Variants in SUN5 observed in about 807,000 individuals in gnomAD.
The protein encoded by SUN5 is Sad1 and UNC84 domain containing 5.
Under a neutral mutation model 53.7 loss-of-function variants are expected in SUN5, and 44 were observed. That is an observed-to-expected ratio of 0.82 (90% CI 0.64 to 1.05). The LOEUF (loss-of-function observed/expected upper bound fraction) is 1.05. Among genes scored for constraint, SUN5 ranks in the 50% least tolerant of loss-of-function variants. SUN5 has a pLI of 0.00. For synonymous variants in SUN5, 166 were observed against 179.8 expected (o/e 0.92, Z 0.62); for missense variants, 433 against 483.8 (o/e 0.90, Z 0.98).
At chr20:32,997,155 G>A (rs1157991350) in intron 6 of SUN5, among the ~76,000 whole-genome samples, 1 of 151,890 alleles carries the variant, frequency 6.6e-6, no homozygotes, top group Non-Finnish European at 1.5e-5. Context: ...GAGGAAAAGA[G>A]GAGAGGGAGG....
intron 8 of SUN5, among the ~76,000 whole-genome samples, chr20:32,992,481 C>T (rs1038362278): frequency 4.6e-5 from 7 of 152,224 alleles, no homozygotes; most frequent in South Asian, 2.1e-4. Flanking sequence ...TTCTCTGTTC[C>T]CCAGTAGAAG....
At chr20:32,985,291 C>T (rs1158226347) in intron 11 of SUN5, 106 bp from the exon 12 acceptor site, 5 of 1,005,254 alleles carry the variant, frequency 5.0e-6, no homozygotes, top group East Asian at 2.4e-5. Context: ...TGGGAGCTCA[C>T]TACCTCTTTG....
At position 32,987,506 on chromosome 20, in the gene SUN5, T is replaced by C. The variant is rs535606221; in HGVS notation, c.729+154A>G. The stretch of plus-strand genomic sequence containing the variant: ...AGCCCCCTCCTTCTGCTCCCTGCCT[T>C]TGCCCCTGCATCTGTCTCCTGCTCC... On this transcript the variant is annotated intron_variant, in intron 10 of 12. Coordinates refer to ENST00000356173, the MANE Select transcript of SUN5 (RefSeq NM_080675.4). Among the ~76,000 whole-genome samples the C allele has an allele frequency of 4.1e-5, 6 of 146,196 alleles. No individual in the cohort carries two copies. In the East Asian group the frequency reaches 1.3e-3, roughly 31 times the overall value.
At chr20:32,997,816 T>A in intron 5 of SUN5, 129 bp from the exon 6 acceptor site, 2 of 857,694 alleles carry the variant, frequency 2.3e-6, no homozygotes, top group Non-Finnish European at 3.7e-6. Context: ...ACTGGGGGAA[T>A]TACTTAATGC....
rs1989522608 is a variant in SUN5, at chr20:32,985,827, A to G, written c.806T>C (p.Val269Ala). 1.2e-6 allele frequency: 2 copies of G among 1,613,796 alleles called. No homozygotes were observed. Among genetic ancestry groups the G allele is most frequent in the East Asian group, 2.2e-5 (1 of 44,890 alleles). Residue 269 changes from valine (V) to alanine (A), a missense_variant, in exon 11 of 13, where the codon GTT becomes GCT. Physicochemically the swap from Val to Ala is moderately conservative, Grantham distance 64. Transcript: ENST00000356173. ...GQVTIQLAQK[V>A]YLSNLTLQHI... ...CTGCAGCGTGAGGTTGGACAGGTAA[A>G]CCTTCTGAGCCAATTGGATGGTCAC... is the stretch of plus-strand genomic sequence containing the variant.
chr20:32,996,080 CT>C (rs1989838565), intron 7 of SUN5, among the ~76,000 whole-genome samples: 1 of 152,148 alleles, frequency 6.6e-6, no homozygotes, highest in Non-Finnish European at 1.5e-5. Context: ...TTTGCATCTT[CT>C]TTAGCACCCA....
chr20:33,003,491 G>A (rs1250894950), intron 1 of SUN5, among the ~76,000 whole-genome samples: 1 of 152,164 alleles, frequency 6.6e-6, no homozygotes, highest in African/African-American at 2.4e-5. Context: ...AATGATGACA[G>A]GAACCTGGGT....
At chr20:32,995,275 C>T (rs1285085598) in intron 8 of SUN5, among the ~76,000 whole-genome samples, 7 of 152,122 alleles carry the variant, frequency 4.6e-5, no homozygotes, top group African/African-American at 1.7e-4. Flanking sequence ...AAAAATAGAT[C>T]ATACTCAAAG....
Position 32,996,306 on chromosome 20 carries a change from C to T in SUN5, c.425+18G>A. 1 of 1,612,212 alleles carries T rather than the reference C, an allele frequency of 6.2e-7. No individual in the cohort carries two copies. The highest frequency in any genetic ancestry group is 8.5e-7 in the Non-Finnish European group (1 of 1,178,740). ...GCTTTTTAGGTAATAATATGGTTAC[C>T]CAGAAGATTCCTCTTACCTCAAGCT... On this transcript the variant is annotated intron_variant, in intron 7 of 12. Transcript: ENST00000356173.
rs1990082890 is a variant in SUN5 at position 33,002,678 on chromosome 20, A to G, written c.137-17T>C. 6.2e-7 allele frequency: 1 copy of G among 1,613,988 alleles called. No homozygotes were observed. Among genetic ancestry groups the G allele is most frequent in the Non-Finnish European group, 8.5e-7 (1 of 1,179,944 alleles). The stretch of plus-strand genomic sequence containing the variant: ...TGTTGTCATCTGCAGAGAGCACAGG[A>G]CTGTCATGTCACTGCCAGCCTCTTG... On this transcript the variant is annotated splice_polypyrimidine_tract_variant and intron_variant, in intron 2 of 12. Coordinates refer to ENST00000356173, the MANE Select transcript of SUN5 (RefSeq NM_080675.4).
intron 4 of SUN5, 63 bp from the exon 5 acceptor site, chr20:33,000,198 C>T (rs1407005239): frequency 6.6e-7 from 1 of 1,518,318 alleles, no homozygotes. Flanking sequence ...GTTCACCCTC[C>T]TCCTCGTCAC....
At chr20:32,986,029 A>C in intron 10 of SUN5, 126 bp from the exon 11 acceptor site, 6 of 1,070,406 alleles carry the variant, frequency 5.6e-6, no homozygotes, top group South Asian at 1.6e-5. Context: ...AGCTTGGCTC[A>C]AGTGCCACCC....
At chr20:32,992,637 A>G (rs1600494253) in intron 8 of SUN5, among the ~76,000 whole-genome samples, 1 of 152,210 alleles carries the variant, frequency 6.6e-6, no homozygotes, top group Non-Finnish European at 1.5e-5. Flanking sequence ...GTTCATCACC[A>G]TTGAGAGTGA....
At chr20:32,995,816 A>C in intron 7 of SUN5, 89 bp from the exon 8 acceptor site, 1 of 1,208,852 alleles carries the variant, frequency 8.3e-7, no homozygotes, top group Non-Finnish European at 1.2e-6. Context: ...TTGGCTCTCA[A>C]AGAATGAGTT....
intron 7 of SUN5, 61 bp from the exon 8 acceptor site, chr20:32,995,788 A>T: frequency 6.7e-7 from 1 of 1,497,798 alleles, no homozygotes; most frequent in Non-Finnish European, 9.3e-7. Context: ...TGTTACCCTC[A>T]GATTTTCCCT....
At chr20:32,987,292 T>A (rs1384037897) in intron 10 of SUN5, among the ~76,000 whole-genome samples, 1 of 152,188 alleles carries the variant, frequency 6.6e-6, no homozygotes, top group Non-Finnish European at 1.5e-5. Context: ...AATGGGTCTA[T>A]GATGGGCCCA....
At chr20:32,997,103 C>T (rs1015521937) in intron 6 of SUN5, among the ~76,000 whole-genome samples, 2 of 152,134 alleles carry the variant, frequency 1.3e-5, no homozygotes, top group African/African-American at 4.8e-5. Context: ...ATATTTTAGC[C>T]GGACCTTGAT....
intron 8 of SUN5, among the ~76,000 whole-genome samples, chr20:32,994,730 C>T (rs1299767833): frequency 2.0e-5 from 3 of 152,078 alleles, no homozygotes; most frequent in African/African-American, 4.8e-5. Context: ...GAAACCCTGT[C>T]TCCACTAAAA....
chr20:32,989,389 G>A (rs1989644511), intron 9 of SUN5, among the ~76,000 whole-genome samples: 3 of 151,970 alleles, frequency 2.0e-5, no homozygotes, highest in South Asian at 4.2e-4. Flanking sequence ...TAATGTTGAG[G>A]GCCTGTGGAT....
Sources: gnomAD v4.1 joint callset for allele counts (sites outside exome capture counted in the v4.1 genomes callset) on GRCh38, gnomAD v4.1.1 for gene constraint, MANE v1.5 for transcripts, NCBI Gene and HGNC (gene_info 2026-07-23, HGNC 2026-07-21) for gene names.